Variants in CCDC73 observed in about 807,000 individuals in gnomAD.
The protein encoded by CCDC73 is coiled-coil domain containing 73.
Under a neutral mutation model 116.5 loss-of-function variants are expected in CCDC73, and 95 were observed. That is an observed-to-expected ratio of 0.82 (90% CI 0.69 to 0.97). The LOEUF (loss-of-function observed/expected upper bound fraction) is 0.97. Among genes scored for constraint, CCDC73 ranks in the 50% least tolerant of loss-of-function variants. The probability of loss-of-function intolerance (pLI) is 0.00; values close to 1 mark genes in which losing one functional copy is unlikely to be tolerated. For missense variants in CCDC73, 1,066 were observed against 1,206.8 expected (o/e 0.88, Z 1.73); for synonymous variants, 398 against 401.3 (o/e 0.99, Z 0.10).
Position 32,614,691 on chromosome 11 carries a change from T to G in CCDC73, c.1627A>C (p.Thr543Pro). The G allele has an allele frequency of 1.2e-6, 2 of 1,612,496 alleles. No individual in the cohort carries two copies. Among genetic ancestry groups the G allele is most frequent in the Admixed American group, 1.7e-5 (1 of 59,936 alleles). The change falls in exon 16 of 18, where the codon ACA (threonine) becomes CCA (proline). Residue 543 changes from threonine to proline, a missense_variant. Transcript: ENST00000335185. ...SPNNHFVVLD[T>P]AIETEKIHLE... ...TGTATTTTTTCTGTTTCTATTGCTG[T>G]ATCTAACACTACAAAATGATTATTT...
intron 6 of CCDC73, among the ~76,000 whole-genome samples, chr11:32,693,588 C>T (rs748117152): frequency 1.3e-5 from 2 of 152,114 alleles, no homozygotes; most frequent in Non-Finnish European, 2.9e-5. Flanking sequence ...ATCCTGATAC[C>T]AAAGCCTGGC....
chr11:32,663,510 A>AT (rs1855950393), intron 9 of CCDC73, among the ~76,000 whole-genome samples: 1 of 152,152 alleles, frequency 6.6e-6, no homozygotes, highest in East Asian at 1.9e-4. Flanking sequence ...GATGCTTGTG[A>AT]TTTTTTGCAC....
chr11:32,646,773 A>G (rs140021293), intron 12 of CCDC73, among the ~76,000 whole-genome samples: 7 of 151,648 alleles, frequency 4.6e-5, no homozygotes, highest in African/African-American at 1.7e-4. Context: ...CTCTCCCTCT[A>G]TTTTCTCTCT....
chr11:32,644,084 A>T (rs201862), intron 12 of CCDC73, among the ~76,000 whole-genome samples: 2 of 152,066 alleles, frequency 1.3e-5, no homozygotes, highest in East Asian at 3.9e-4. Flanking sequence ...CAGAATCAAC[A>T]TAAATGCTCA....
intron 9 of CCDC73, among the ~76,000 whole-genome samples, chr11:32,659,602 A>C (rs1190398199): frequency 6.6e-6 from 1 of 152,204 alleles, no homozygotes; most frequent in Non-Finnish European, 1.5e-5. Flanking sequence ...TATGTTTTAA[A>C]CATCCATAAA....
At chr11:32,744,824 T>C (rs1269767610) in intron 2 of CCDC73, among the ~76,000 whole-genome samples, 1 of 152,208 alleles carries the variant, frequency 6.6e-6, no homozygotes, top group African/African-American at 2.4e-5. Flanking sequence ...GCTAGCAGTC[T>C]ATCTACTTTG....
chr11:32,607,124 G>T (rs1436212050), intron 17 of CCDC73, among the ~76,000 whole-genome samples: 1 of 103,506 alleles, frequency 9.7e-6, no homozygotes, highest in Non-Finnish European at 1.8e-5. Flanking sequence ...ACGGAGTCTC[G>T]CTCTGTCGCC....
In CCDC73 at chr11:32,715,472, C is replaced by G. The variant is rs79799445; in HGVS notation, c.207+2604G>C. 5.5e-4 allele frequency among the ~76,000 whole-genome samples: 82 copies of G among 149,468 alleles called. No homozygotes were observed. In the East Asian group the frequency reaches 0.015, roughly 28 times the overall value. ...TAAAGTGATCCAACAAATTATGATCCAACAAAAGGAAAAACTGATACACAC... is the reference window on the plus strand; with the variant it reads ...TAAAGTGATCCAACAAATTATGATCGAACAAAAGGAAAAACTGATACACAC... On this transcript the variant is annotated intron_variant, in intron 3 of 17. Coordinates refer to ENST00000335185, the MANE Select transcript of CCDC73 (RefSeq NM_001008391.4).
chr11:32,732,698 C>T (rs2133347053), intron 2 of CCDC73, among the ~76,000 whole-genome samples: 1 of 152,238 alleles, frequency 6.6e-6, no homozygotes, highest in African/African-American at 2.4e-5. Flanking sequence ...AAATAAAATC[C>T]TTTACAGACA....
At chr11:32,798,905 T>C (rs1334600776), upstream of CCDC73, among the ~76,000 whole-genome samples, 2 of 106,806 alleles carry the variant, frequency 1.9e-5, no homozygotes, top group African/African-American at 6.9e-5. Flanking sequence ...TTTTGTTTGT[T>C]TGTTTGTTTT....
intron 2 of CCDC73, among the ~76,000 whole-genome samples, chr11:32,730,043 G>A (rs770002457): frequency 5.3e-5 from 8 of 152,064 alleles, no homozygotes; most frequent in Non-Finnish European, 1.0e-4. Flanking sequence ...TTTATGTTAC[G>A]CATTTGTGAA....
At chr11:32,695,774 T>TAA (rs59419534) in intron 6 of CCDC73, among the ~76,000 whole-genome samples, 25,435 of 129,262 alleles carry the variant, frequency 0.2, 2,816 homozygotes, top group African/African-American at 0.3. Flanking sequence ...AGTTTGGTTG[T>TAA]AAAAAAAAAA....
At position 32,737,271 on chromosome 11, in the gene CCDC73, G is replaced by A. The variant is rs868633985; in HGVS notation, c.136-19124C>T. Among the ~76,000 whole-genome samples the A allele has an allele frequency of 4.6e-3, 588 of 129,140 alleles. 9 individuals carry two copies. The highest frequency in any genetic ancestry group is 0.018 in the African/African-American group (565 of 30,664). 84.7% of individuals were successfully genotyped at this position (129,140 alleles called of 152,430 possible). Reference sequence around the variant, plus strand: ...TGTGTGTGTGTGTGTGTGTGTGTGTGTGTATATACATGGTCCATAGGATAT... The same window carrying A: ...TGTGTGTGTGTGTGTGTGTGTGTGTATGTATATACATGGTCCATAGGATAT... On this transcript the variant is annotated intron_variant, in intron 2 of 17. Coordinates refer to ENST00000335185, the MANE Select transcript of CCDC73 (RefSeq NM_001008391.4).
At chr11:32,801,720 CA>C in the CCDC73 span, among the ~76,000 whole-genome samples, 15,357 of 151,770 alleles carry the variant, frequency 0.1, 1,041 homozygotes, top group Non-Finnish European at 0.15. Context: ...AGTAGGCAAT[CA>C]ATAGCATCTG....
At chr11:32,646,188 AT>A (rs996265418) in intron 12 of CCDC73, among the ~76,000 whole-genome samples, 1 of 152,304 alleles carries the variant, frequency 6.6e-6, no homozygotes, top group Admixed American at 6.5e-5. Context: ...TACTTCAGGT[AT>A]TCTCTCGATT....
chr11:32,787,869 T>G (rs1850641685), intron 1 of CCDC73, among the ~76,000 whole-genome samples: 1 of 152,234 alleles, frequency 6.6e-6, no homozygotes, highest in African/African-American at 2.4e-5. Context: ...AGAACATCCT[T>G]AACTCCATCA....
intron 2 of CCDC73, among the ~76,000 whole-genome samples, chr11:32,745,906 G>A (rs936337403): frequency 2.6e-5 from 4 of 151,872 alleles, no homozygotes; most frequent in Non-Finnish European, 5.9e-5. Context: ...CTTTTAGTTT[G>A]GGCATTTAGC....
At chr11:32,761,279 T>C (rs1850389758) in intron 1 of CCDC73, among the ~76,000 whole-genome samples, 1 of 152,228 alleles carries the variant, frequency 6.6e-6, no homozygotes, top group Admixed American at 6.5e-5. Context: ...TCATTCCTTT[T>C]TATTGTTTAG....
Position 32,603,074 on chromosome 11 carries a change from A to T in CCDC73, c.3031-54T>A, listed in dbSNP as rs572002506. ...GAAATTATTATACAAAAGATTTTAA[A>T]GAGTCTGTAAAGCCTCTGCAGTTAT... On this transcript the variant is annotated intron_variant, in intron 17 of 17. Coordinates refer to ENST00000335185, the MANE Select transcript of CCDC73 (RefSeq NM_001008391.4). 142 of 1,427,062 alleles carry T rather than the reference A, an allele frequency of 1.0e-4. No homozygotes were observed. In the African/African-American group the frequency reaches 1.8e-3, roughly 18 times the overall value. 88.4% of individuals were successfully genotyped at this position (1,427,062 alleles called of 1,614,324 possible).
Sources: allele counts gnomAD v4.1 joint callset (sites outside exome capture counted in the v4.1 genomes callset), GRCh38; gene constraint gnomAD v4.1.1; transcripts MANE v1.5; gene names NCBI Gene and HGNC (gene_info 2026-07-23, HGNC 2026-07-21).